The following BRAF variants were observed in gnomAD, a reference collection of about 807,000 sequenced individuals.
BRAF encodes serine/threonine-protein kinase B-raf.
In BRAF, 16 loss-of-function variants were observed where a neutral mutation model predicts 104.6. The observed-to-expected ratio is 0.15, with a 90% CI of 0.10 to 0.23. BRAF has a LOEUF of 0.23. Ranked by LOEUF, BRAF falls within the 10% of genes least tolerant of loss-of-function variation. The probability of loss-of-function intolerance (pLI) is 1.00; values close to 1 mark genes in which losing one functional copy is unlikely to be tolerated. For missense variants in BRAF, 541 were observed against 937.3 expected (o/e 0.58, Z 5.52); for synonymous variants, 310 against 341.6 (o/e 0.91, Z 1.02).
rs923281896 is a variant in BRAF at position 140,853,841 on chromosome 7, T to A, written c.139-3629A>T. Among the ~76,000 whole-genome samples the A allele has an allele frequency of 9.2e-5, 14 of 152,188 alleles. 1 individual carries two copies. Among genetic ancestry groups the A allele is most frequent in the Admixed American group, 6.5e-4 (10 of 15,270 alleles). Reference sequence around the variant, plus strand: ...TTACGTGTTCATTTTGTTATTGGTGTGTGTCTTCCCACTCCCCAACAGAAT... The same window carrying A: ...TTACGTGTTCATTTTGTTATTGGTGAGTGTCTTCCCACTCCCCAACAGAAT... On this transcript the variant is annotated intron_variant, in intron 1 of 19. Transcript: ENST00000644969.
intron 12 of BRAF, among the ~76,000 whole-genome samples, chr7:140,778,946 C>T (rs1268608716): frequency 6.6e-6 from 1 of 152,044 alleles, no homozygotes; most frequent in African/African-American, 2.4e-5. Context: ...GTTTACAGCA[C>T]CAGCATCAAT....
rs1795304852 is a variant in BRAF at position 140,721,141 on chromosome 7, C to T, written c.*5353G>A. On this transcript the variant is annotated 3_prime_UTR_variant, in exon 20 of 20. Transcript: ENST00000644969. ...CATTGGCTGTGTCCTCATACACACT[C>T]GTCAAGTCACTATAATTATTCAAAA... The T allele has an allele frequency of 1.9e-6, 2 of 1,062,526 alleles. No individual in the cohort carries two copies. The highest frequency in any genetic ancestry group is 1.6e-5 in the African/African-American group (1 of 60,956). The allele number at this position is 1,062,526 out of a possible 1,614,324, so 65.8% of individuals were successfully genotyped here.
intron 1 of BRAF, among the ~76,000 whole-genome samples, chr7:140,875,333 C>G (rs1812104776): frequency 6.6e-6 from 1 of 152,148 alleles, no homozygotes; most frequent in Admixed American, 6.5e-5. Context: ...ACGTAGAATT[C>G]CACACTCTCA....
intron 1 of BRAF, among the ~76,000 whole-genome samples, chr7:140,853,477 T>C (rs1215166051): frequency 6.6e-6 from 1 of 152,212 alleles, no homozygotes; most frequent in South Asian, 2.1e-4. Flanking sequence ...CTCTGCTATT[T>C]GTCTAGCTTC....
intron 13 of BRAF, 105 bp downstream of exon 12, chr7:140,777,886 T>C (rs1800484865): frequency 8.9e-7 from 1 of 1,118,074 alleles, no homozygotes; most frequent in Admixed American, 1.9e-5. Flanking sequence ...TACAAATTTA[T>C]TCATTTTGAG....
At position 140,723,258 on chromosome 7, in the gene BRAF, T is replaced by C. The variant is rs781243502; in HGVS notation, c.*3236A>G. On this transcript the variant is annotated 3_prime_UTR_variant, in exon 20 of 20. Transcript: ENST00000644969. ...AGGTAACATCCTGTGATGAAAGTGC[T>C]GTCACCGCACCAAACCAGAAGCTAG... The C allele has an allele frequency of 3.8e-6, 4 of 1,056,450 alleles. No homozygotes were observed. Among genetic ancestry groups the C allele is most frequent in the Non-Finnish European group, 4.6e-6 (4 of 873,954 alleles). 65.4% of individuals were successfully genotyped at this position (1,056,450 alleles called of 1,614,324 possible). A position where few individuals can be genotyped will look rare whatever the true frequency, so the allele number is the denominator to read the frequency against.
intron 19 of BRAF, chr7:140,731,536 AAAC>A (rs1795961989): frequency 6.6e-6 from 1 of 152,250 alleles, no homozygotes; most frequent in Non-Finnish European, 1.5e-5. Context: ...TAATTTTCTT[AAAC>A]TAAGAGTGAC....
intron 1 of BRAF, among the ~76,000 whole-genome samples, chr7:140,868,003 C>T (rs1482390471): frequency 3.3e-5 from 5 of 152,302 alleles, no homozygotes; most frequent in Non-Finnish European, 7.4e-5. Context: ...CACTCTCTCA[C>T]CTGTGCCTTT....
chr7:140,837,571 A>G (rs1227595936), intron 2 of BRAF, among the ~76,000 whole-genome samples: 1 of 152,176 alleles, frequency 6.6e-6, no homozygotes, highest in Non-Finnish European at 1.5e-5. Flanking sequence ...TGACCATTCA[A>G]TTGTTCTATT....
At chr7:140,814,748 A>ATATATAACATATATATATAT (rs1491106678) in intron 3 of BRAF, among the ~76,000 whole-genome samples, 4 of 132,032 alleles carry the variant, frequency 3.0e-5, no homozygotes, top group African/African-American at 1.4e-4. Flanking sequence ...TTTATATACA[A>ATATATAACATATATATATAT]TATATAACAT....
chr7:140,828,869 A>G (rs1806375300), intron 3 of BRAF, among the ~76,000 whole-genome samples: 1 of 152,180 alleles, frequency 6.6e-6, no homozygotes, highest in Admixed American at 6.5e-5. Context: ...ATCCTTAACT[A>G]AGGGAGCAGT....
intron 1 of BRAF, among the ~76,000 whole-genome samples, chr7:140,874,777 A>G (rs1247013606): frequency 6.6e-6 from 1 of 152,168 alleles, no homozygotes; most frequent in Non-Finnish European, 1.5e-5. Flanking sequence ...TCTCATGTTC[A>G]AATGTAATCC....
intron 1 of BRAF, among the ~76,000 whole-genome samples, chr7:140,913,774 G>A (rs1817284189): frequency 6.6e-6 from 1 of 152,036 alleles, no homozygotes; most frequent in South Asian, 2.1e-4. Flanking sequence ...GAGCCACTGC[G>A]CCCGGCCAAC....
At chr7:140,797,772 G>A (rs1051610477) in intron 7 of BRAF, among the ~76,000 whole-genome samples, 2 of 152,142 alleles carry the variant, frequency 1.3e-5, no homozygotes, top group Non-Finnish European at 2.9e-5. Flanking sequence ...ACTGGGACCT[G>A]CCATTAGAAA....
intron 4 of BRAF, among the ~76,000 whole-genome samples, 186 bp downstream of exon 4, chr7:140,808,706 T>C (rs529564119): frequency 1.3e-5 from 2 of 152,278 alleles, no homozygotes; most frequent in African/African-American, 4.8e-5. Context: ...CCTACAGTCA[T>C]ATACAATTAT....
Position 140,917,728 on chromosome 7 carries a change from C to G in BRAF, c.138+6838G>C, listed in dbSNP as rs185123018. Among the ~76,000 whole-genome samples the G allele has an allele frequency of 1.1e-4, 16 of 152,288 alleles. No individual in the cohort carries two copies. The South Asian group carries it at 1.5e-3, about 14-fold the overall frequency. ...GTCTCCCTTAGACCAGGAGTCAGAA[C>G]AGTTCAGCCCATGAACTGGCCCACT... On this transcript the variant is annotated intron_variant, in intron 1 of 19. Transcript: ENST00000644969.
At position 140,721,502 on chromosome 7, in the gene BRAF, C is replaced by A; in HGVS notation, c.*4992G>T. On this transcript the variant is annotated 3_prime_UTR_variant, in exon 20 of 20. Transcript: ENST00000644969. ...AAAACAACAAAACAGAGCTTACTGT[C>A]TAGTGTACTAATAAAACAAACATCT... The A allele has an allele frequency of 7.3e-7, 1 of 1,378,142 alleles. No homozygotes were observed. Among genetic ancestry groups the A allele is most frequent in the South Asian group, 1.8e-5 (1 of 55,122 alleles). The allele number at this position is 1,378,142 out of a possible 1,614,324, so 85.4% of individuals were successfully genotyped here. A position where few individuals can be genotyped will look rare whatever the true frequency, so the allele number is the denominator to read the frequency against.
intron 14 of BRAF, among the ~76,000 whole-genome samples, chr7:140,770,993 T>C (rs998682095): frequency 8.6e-5 from 13 of 151,112 alleles, no homozygotes; most frequent in African/African-American, 2.9e-4. Flanking sequence ...CCCTGATTCC[T>C]CAGAGTGAGT....
chr7:140,714,002 G>T, the BRAF span, among the ~76,000 whole-genome samples: 1,457 of 152,268 alleles, frequency 9.6e-3, 25 homozygotes, highest in African/African-American at 0.033. Flanking sequence ...GCCGTGTGAG[G>T]TGTCAGTCCG....
Sources: gnomAD v4.1 joint callset for allele counts (sites outside exome capture counted in the v4.1 genomes callset) on GRCh38, gnomAD v4.1.1 for gene constraint, MANE v1.5 for transcripts, NCBI Gene and HGNC (gene_info 2026-07-23, HGNC 2026-07-21) for gene names.